MYO7A: variants seen among roughly 807,000 people sequenced by gnomAD.
MYO7A encodes the protein unconventional myosin-VIIa.
Under a neutral mutation model 263.8 loss-of-function variants are expected in MYO7A, and 210 were observed. The ratio of observed to expected loss-of-function variants is 0.80; its 90% CI spans 0.71 to 0.89. The LOEUF (loss-of-function observed/expected upper bound fraction) is 0.89. Among genes scored for constraint, MYO7A ranks in the 40% least tolerant of loss-of-function variants. The probability of loss-of-function intolerance (pLI) is 0.00; values close to 1 mark genes in which losing one functional copy is unlikely to be tolerated. For synonymous variants in MYO7A, 1,239 were observed against 1,197.3 expected (o/e 1.03, Z -0.72); for missense variants, 2,820 against 2,968.3 (o/e 0.95, Z 1.16).
At chr11:77,205,363 A>G (rs2135731089) in intron 39 of MYO7A, 99 bp from the exon 40 acceptor site, 2 of 1,383,434 alleles carry the variant, frequency 1.4e-6, no homozygotes, top group Non-Finnish European at 1.9e-6. Flanking sequence ...TGCTGTGATG[A>G]GCAGCTGAGG....
At chr11:77,176,365 G>C (rs573697064) in intron 18 of MYO7A, among the ~76,000 whole-genome samples, 1 of 152,356 alleles carries the variant, frequency 6.6e-6, no homozygotes, top group African/African-American at 2.4e-5. Flanking sequence ...CATTCCATGT[G>C]CCAGGCCCTG....
At chr11:77,145,485 C>G (rs1175804757) in intron 3 of MYO7A, among the ~76,000 whole-genome samples, 2 of 152,166 alleles carry the variant, frequency 1.3e-5, no homozygotes, top group African/African-American at 4.8e-5. Context: ...ATGTGGGGAC[C>G]TGAGGCTGGG....
In MYO7A at chr11:77,214,598, T is replaced by A; in HGVS notation, c.6559-9T>A. 6.4e-7 allele frequency: 1 copy of A among 1,560,414 alleles called. No homozygotes were observed. The highest frequency in any genetic ancestry group is 1.2e-5 in the South Asian group (1 of 84,836). On this transcript the variant is annotated splice_polypyrimidine_tract_variant and intron_variant, in intron 48 of 48. Coordinates refer to ENST00000409709, the MANE Select transcript of MYO7A (RefSeq NM_000260.4). Reference sequence around the variant, plus strand: ...GTGTGCTCGCTTATCTTCTCACCCCTGCTTCCAGGGCTACAAGATGGATGA... The same window carrying A: ...GTGTGCTCGCTTATCTTCTCACCCCAGCTTCCAGGGCTACAAGATGGATGA...
intron 19 of MYO7A, among the ~76,000 whole-genome samples, chr11:77,178,255 GCCCACACACCCA>G (rs1406592507): frequency 7.2e-5 from 2 of 27,692 alleles, no homozygotes; most frequent in Admixed American, 3.9e-4. Flanking sequence ...CCATCCACCC[GCCCACACACCCA>G]CCTAGTCACT....
At chr11:77,212,718 T>C (rs1338144631) in intron 46 of MYO7A, 1 of 582,908 alleles carries the variant, frequency 1.7e-6, no homozygotes, top group Non-Finnish European at 3.1e-6. Context: ...GGGAGGCCCT[T>C]GGGCTGAGAG....
At chr11:77,146,009 G>A (rs886411866) in intron 3 of MYO7A, among the ~76,000 whole-genome samples, 6 of 152,202 alleles carry the variant, frequency 3.9e-5, no homozygotes, top group African/African-American at 7.2e-5. Flanking sequence ...ATTTGTGCCC[G>A]GCCCCTGTGT....
intron 44 of MYO7A, chr11:77,209,396 G>A (rs1957707626): frequency 6.5e-6 from 1 of 153,240 alleles, no homozygotes; most frequent in African/African-American, 2.4e-5. Context: ...TTACCATTCT[G>A]TGGGAGAAAA....
At chr11:77,184,746 C>T in intron 27 of MYO7A, 31 bp downstream of exon 27, 1 of 476,302 alleles carries the variant, frequency 2.1e-6, no homozygotes, top group African/African-American at 4.1e-5. Flanking sequence ...ACACCAGGGC[C>T]TGAAAGTCTT....
chr11:77,179,852 G>C lies in MYO7A; in HGVS notation c.2485G>C (p.Val829Leu). 2 of 1,542,240 alleles carry C rather than the reference G, an allele frequency of 1.3e-6. No individual in the cohort carries two copies. The highest frequency in any genetic ancestry group is 1.2e-5 in the South Asian group (1 of 84,014). ...CCAGGCCCGCTGCCGCGCCTATCTGGTGCGCAAGGCCTTCCGCCACCGCCT... is the reference window on the plus strand; with the variant it reads ...CCAGGCCCGCTGCCGCGCCTATCTGCTGCGCAAGGCCTTCCGCCACCGCCT... ...QFQARCRAYL[V>L]RKAFRHRLWA... Residue 829 changes from valine (V) to leucine (L), a missense_variant, in exon 21 of 49, where the codon GTG becomes CTG. By Grantham distance (32) the Val-to-Leu change is conservative (BLOSUM62 1). Transcript: ENST00000409709.
chr11:77,204,968 C>T (rs1304709191), intron 39 of MYO7A, among the ~76,000 whole-genome samples: 1 of 152,210 alleles, frequency 6.6e-6, no homozygotes, highest in African/African-American at 2.4e-5. Context: ...AGAAGCCCTC[C>T]AAACTTCCCA....
chr11:77,172,934 G>T (rs781993108), intron 16 of MYO7A, 49 bp downstream of exon 16: 1 of 1,520,756 alleles, frequency 6.6e-7, no homozygotes, highest in South Asian at 1.3e-5. Context: ...GGGTGACGTG[G>T]AGGAGCTAGG....
In MYO7A at chr11:77,211,930, A is replaced by C. The variant is rs201664610; in HGVS notation, c.6347A>C (p.Glu2116Ala). 6.2e-7 allele frequency: 1 copy of C among 1,613,030 alleles called. No homozygotes were observed. The highest frequency in any genetic ancestry group is 8.5e-7 in the Non-Finnish European group (1 of 1,179,098). The change falls in exon 46 of 49, where the codon GAG (glutamate) becomes GCG (alanine). Residue 2116 changes from glutamate (E) to alanine (A), a missense_variant. By Grantham distance (107) the Glu-to-Ala change is moderately radical (BLOSUM62 -1). Transcript: ENST00000409709. ...CCCACCTTTGGCTCAGCCTTCTTCG[A>C]GGTGAAGGTACACCATGGGCTTCTC... The part of the protein sequence containing the change: ...KWPTFGSAFF[E>A]VKQTTEPNFP...
intron 21 of MYO7A, 77 bp downstream of exon 21, chr11:77,180,030 G>T (rs1555083104): frequency 2.8e-6 from 4 of 1,415,790 alleles, no homozygotes; most frequent in Non-Finnish European, 2.8e-6. Context: ...TCAGGTGTTG[G>T]CCAGGAAGTG....
intron 9 of MYO7A, among the ~76,000 whole-genome samples, chr11:77,158,840 T>G (rs115656204): frequency 6.6e-6 from 1 of 152,224 alleles, no homozygotes; most frequent in African/African-American, 2.4e-5. Context: ...TTCACTCATC[T>G]AACATTCTTG....
intron 31 of MYO7A, 22 bp downstream of exon 31, chr11:77,192,300 G>A (rs371834599): frequency 4.8e-5 from 78 of 1,608,476 alleles, no homozygotes; most frequent in South Asian, 4.3e-4. Context: ...GGAATCTTCC[G>A]CCAGGCTGGC....
chr11:77,211,947 G>A lies in MYO7A; in HGVS notation c.6354+10G>A. On this transcript the variant is annotated intron_variant, in intron 46 of 48. Coordinates refer to ENST00000409709, the MANE Select transcript of MYO7A (RefSeq NM_000260.4). ...CTTCTTCGAGGTGAAGGTACACCAT[G>A]GGCTTCTCAGAGCAGAGGAGGAGGG... The A allele has an allele frequency of 6.3e-7, 1 of 1,599,728 alleles. No individual in the cohort carries two copies.
Position 77,201,561 on chromosome 11 carries a change from A to G in MYO7A, c.4966A>G (p.Thr1656Ala). The change falls in exon 36 of 49, where the codon ACC becomes GCC. Residue 1656 changes from threonine to alanine, a missense_variant. Transcript: ENST00000409709. ...SGWANGINER[T>A]KQRGDFPTDS... ...CTGGGCCAACGGCATCAATGAGAGG[A>G]CCAAGCAGCGTGGGGACTTCCCCAC... 6.2e-7 allele frequency: 1 copy of G among 1,613,836 alleles called. No homozygotes were observed. Among genetic ancestry groups the G allele is most frequent in the South Asian group, 1.1e-5 (1 of 91,072 alleles).
At position 77,138,343 on chromosome 11, in the gene MYO7A, C is replaced by T. The variant is rs1294359545; in HGVS notation, c.19-4366C>T. Among the ~76,000 whole-genome samples, 2 of 145,052 alleles carry T rather than the reference C, an allele frequency of 1.4e-5. No individual in the cohort carries two copies. The highest frequency in any genetic ancestry group is 2.7e-5 in the African/African-American group (1 of 36,424). On this transcript the variant is annotated intron_variant, in intron 2 of 48. Coordinates refer to ENST00000409709, the MANE Select transcript of MYO7A (RefSeq NM_000260.4). This position sits in a 1 kb window ranked among gnomAD's most constrained non-coding sequence, Gnocchi z 4.9. ...CCCCGCCGACCCTGCCGACCCCGCG[C>T]GCATCCCGCAGCCCGGCAAGTGGGC...
chr11:77,160,554 A>G (rs1952898703), intron 11 of MYO7A, among the ~76,000 whole-genome samples: 1 of 152,174 alleles, frequency 6.6e-6, no homozygotes, highest in South Asian at 2.1e-4. Flanking sequence ...GTCTCTTTGC[A>G]GAAGACACAG....
Sources: gnomAD v4.1 joint callset for allele counts (sites outside exome capture counted in the v4.1 genomes callset) on GRCh38, gnomAD v4.1.1 for gene constraint, Gnocchi (gnomAD v3.1) non-coding constraint, MANE v1.5 for transcripts, NCBI Gene and HGNC (gene_info 2026-07-23, HGNC 2026-07-21) for gene names.